The following ZDHHC2 variants were observed in gnomAD, a reference collection of about 807,000 sequenced individuals.
The protein encoded by ZDHHC2 is palmitoyltransferase ZDHHC2.
Under a neutral mutation model 55.6 loss-of-function variants are expected in ZDHHC2, and 51 were observed. That is an observed-to-expected ratio of 0.92 (90% CI 0.73 to 1.16). The LOEUF (loss-of-function observed/expected upper bound fraction) is 1.16. Ranked by LOEUF, ZDHHC2 falls within the 50% of genes most tolerant of loss-of-function variation. The pLI, the probability that ZDHHC2 is intolerant of heterozygous loss-of-function variation, is 0.00. For missense variants in ZDHHC2, 491 were observed against 442.4 expected (o/e 1.11, Z -0.99); for synonymous variants, 199 against 152.9 (o/e 1.30, Z -2.22).
chr8:17,215,395 A>C, intron 11 of ZDHHC2, 46 bp downstream of exon 11: 1 of 1,489,406 alleles, frequency 6.7e-7, no homozygotes, highest in Non-Finnish European at 9.2e-7. Context: ...TTTTATTTTT[A>C]GAAGGTAAAC....
intron 12 of ZDHHC2, 54 bp downstream of exon 12, chr8:17,217,300 T>C: frequency 8.1e-7 from 1 of 1,239,700 alleles, no homozygotes; most frequent in Non-Finnish European, 1.1e-6. Context: ...TCTAATTTTA[T>C]TAGGGCAAAT....
At chr8:17,213,176 T>G (rs2959616) in intron 10 of ZDHHC2, among the ~76,000 whole-genome samples, 77,783 of 151,990 alleles carry the variant, frequency 0.51, 23,571 homozygotes, top group Non-Finnish European at 0.7. Context: ...GGGCGTAACT[T>G]CAGAATAGAG....
intron 3 of ZDHHC2, among the ~76,000 whole-genome samples, chr8:17,189,114 G>T (rs866739930): frequency 6.2e-5 from 8 of 128,464 alleles, no homozygotes; most frequent in East Asian, 4.6e-4. Flanking sequence ...TTTTTTTTTT[G>T]GTGTTTTGTT....
intron 6 of ZDHHC2, among the ~76,000 whole-genome samples, chr8:17,201,870 A>G (rs979835822): frequency 6.6e-6 from 1 of 151,946 alleles, no homozygotes; most frequent in Non-Finnish European, 1.5e-5. Context: ...AATATTTGAA[A>G]CATTGGATCA....
rs1216605132 is a variant in ZDHHC2, at chr8:17,199,834, A to G, written c.476+1421A>G. Among the ~76,000 whole-genome samples the G allele has an allele frequency of 2.8e-5, 4 of 144,042 alleles. No homozygotes were observed. In the South Asian group the frequency reaches 8.6e-4, roughly 31 times the overall value. The allele number at this position is 144,042 out of a possible 152,430, so 94.5% of individuals were successfully genotyped here. ...GAGTGCGGTAGCGTGATCTCAGCTC[A>G]CTGCAACCTCTGCCTCCCGGGTTCA... On this transcript the variant is annotated intron_variant, in intron 6 of 12. Transcript: ENST00000262096.
intron 8 of ZDHHC2, among the ~76,000 whole-genome samples, chr8:17,209,201 G>A (rs1048854601): frequency 5.9e-5 from 9 of 152,118 alleles, no homozygotes; most frequent in East Asian, 5.8e-4. Flanking sequence ...AACCAGCTTC[G>A]ATAGGCAGAA....
intron 1 of ZDHHC2, among the ~76,000 whole-genome samples, chr8:17,175,690 C>T (rs1805093182): frequency 6.6e-6 from 1 of 152,076 alleles, no homozygotes; most frequent in Non-Finnish European, 1.5e-5. Context: ...ATCTAAATAA[C>T]TTGTTCAACG....
intron 6 of ZDHHC2, among the ~76,000 whole-genome samples, chr8:17,202,024 AAAGT>A (rs1806808069): frequency 6.6e-6 from 1 of 152,188 alleles, no homozygotes. Flanking sequence ...ATTTTCTATC[AAAGT>A]ATTTTTTTCC....
rs1053301871 is a variant in ZDHHC2 at position 17,166,230 on chromosome 8, G to A, written c.130+9377G>A. 6.6e-5 allele frequency among the ~76,000 whole-genome samples: 10 copies of A among 152,174 alleles called. 1 individual carries two copies. The highest frequency in any genetic ancestry group is 4.1e-4 in the South Asian group (2 of 4,824). On this transcript the variant is annotated intron_variant, in intron 1 of 12. Transcript: ENST00000262096. ...CGATGATGGTGTGTGAAACCGTGGC[G>A]TGGGCACTGGAAATGGTGAGAGGTG...
intron 7 of ZDHHC2, among the ~76,000 whole-genome samples, chr8:17,207,092 A>G (rs553311997): frequency 6.6e-6 from 1 of 152,300 alleles, no homozygotes; most frequent in African/African-American, 2.4e-5. Context: ...AAAAGGAATG[A>G]CCAGAATTTT....
chr8:17,157,001 G>C, intron 1 of ZDHHC2, 148 bp downstream of exon 1: 1 of 725,934 alleles, frequency 1.4e-6, no homozygotes, highest in Non-Finnish European at 2.0e-6. Context: ...GCCGCTAAAA[G>C]CAGCCTCGGG....
intron 6 of ZDHHC2, among the ~76,000 whole-genome samples, chr8:17,200,840 G>A (rs1325227936): frequency 6.6e-6 from 1 of 152,176 alleles, no homozygotes; most frequent in East Asian, 1.9e-4. Flanking sequence ...AGGTGGCAGT[G>A]TGGGAAGGTG....
At chr8:17,182,124 T>A (rs1030989993) in intron 1 of ZDHHC2, among the ~76,000 whole-genome samples, 9 of 152,180 alleles carry the variant, frequency 5.9e-5, no homozygotes, top group African/African-American at 1.7e-4. Context: ...AATAAGTTAA[T>A]TTGCAAACTT....
At chr8:17,213,123 A>G (rs74577615) in intron 10 of ZDHHC2, among the ~76,000 whole-genome samples, 3 of 152,026 alleles carry the variant, frequency 2.0e-5, no homozygotes, top group African/African-American at 7.2e-5. Context: ...TTCTTCCTCC[A>G]GATCTCAGTG....
chr8:17,163,304 G>A (rs1002372645), intron 1 of ZDHHC2, among the ~76,000 whole-genome samples: 1 of 152,332 alleles, frequency 6.6e-6, no homozygotes, highest in African/African-American at 2.4e-5. Flanking sequence ...TCCAGCCTGG[G>A]CAGTGTCCAG....
chr8:17,211,554 A>T (rs998649068), intron 10 of ZDHHC2, among the ~76,000 whole-genome samples: 2 of 152,154 alleles, frequency 1.3e-5, no homozygotes, highest in African/African-American at 2.4e-5. Flanking sequence ...CAGTGGAGTG[A>T]TCATGGCTCA....
At chr8:17,184,480 G>A (rs1474134658) in intron 1 of ZDHHC2, among the ~76,000 whole-genome samples, 5 of 152,240 alleles carry the variant, frequency 3.3e-5, no homozygotes, top group African/African-American at 1.2e-4. Flanking sequence ...ATAGTTGGAA[G>A]GAAAACCAGT....
rs17625191 is a variant in ZDHHC2, at chr8:17,208,430, T to A, written c.730+338T>A. Among the ~76,000 whole-genome samples, 135 of 151,982 alleles carry A rather than the reference T, an allele frequency of 8.9e-4. No homozygotes were observed. The East Asian group carries it at 0.024, about 27-fold the overall frequency. ...CTAGGAATATTTTAGAAACACTCCA[T>A]GTGGCTGAAGCATAGAAAGCTAAAG... On this transcript the variant is annotated intron_variant, in intron 8 of 12. Coordinates refer to ENST00000262096, the MANE Select transcript of ZDHHC2 (RefSeq NM_016353.5).
At chr8:17,213,455 T>G (rs1807487745) in intron 10 of ZDHHC2, among the ~76,000 whole-genome samples, 1 of 152,062 alleles carries the variant, frequency 6.6e-6, no homozygotes. Flanking sequence ...TATCACCATA[T>G]TGGCCAGGCT....
Sources: gnomAD v4.1 joint callset for allele counts (sites outside exome capture counted in the v4.1 genomes callset) on GRCh38, gnomAD v4.1.1 for gene constraint, MANE v1.5 for transcripts, NCBI Gene and HGNC (gene_info 2026-07-23, HGNC 2026-07-21) for gene names.